Variants in TBC1D22A observed in about 807,000 individuals in gnomAD.
TBC1D22A encodes putative GTPase activator.
A neutral mutation model predicts 60.2 loss-of-function variants in TBC1D22A; 38 were observed. The observed-to-expected ratio is 0.63, with a 90% confidence interval of 0.49 to 0.83. TBC1D22A has a LOEUF of 0.83. TBC1D22A is among the 40% of genes least tolerant of loss of function. The pLI is 0.00. For synonymous variants in TBC1D22A, 302 were observed against 281.7 expected, an observed-to-expected ratio of 1.07 and a Z score of -0.72; for missense variants, 628 against 701.0, an observed-to-expected ratio of 0.90 and a Z score of 1.18.
chr22:46,791,599 T>C (rs1398136135), intron 1 of TBC1D22A, among the ~76,000 whole-genome samples: 1 of 151,068 alleles, frequency 6.6e-6, no homozygotes, highest in Admixed American at 6.6e-5. Context: ...GAAAAATAAA[T>C]GTGTGTCACA....
intron 1 of TBC1D22A, among the ~76,000 whole-genome samples, chr22:46,766,836 C>T (rs2083304227): frequency 6.6e-6 from 1 of 152,122 alleles, no homozygotes; most frequent in African/African-American, 2.4e-5. Flanking sequence ...GTGCCCGGCC[C>T]ACACCTCCTG....
chr22:47,060,616 G>T (rs1391924111), intron 11 of TBC1D22A, among the ~76,000 whole-genome samples: 1 of 152,150 alleles, frequency 6.6e-6, no homozygotes, highest in African/African-American at 2.4e-5. Flanking sequence ...GTTTTTAATA[G>T]AGACGGGGTT....
intron 1 of TBC1D22A, among the ~76,000 whole-genome samples, chr22:46,787,412 C>T (rs1037714358): frequency 1.3e-5 from 2 of 152,114 alleles, no homozygotes; most frequent in African/African-American, 2.4e-5. Flanking sequence ...GTGCATGTGG[C>T]GGCTCCTGCG....
rs566409191 is a variant in TBC1D22A, at chr22:46,897,076, C to T, written c.900+2230C>T. 1.7e-4 allele frequency among the ~76,000 whole-genome samples: 26 copies of T among 152,220 alleles called. No homozygotes were observed. In the South Asian group the frequency reaches 2.7e-3, roughly 16 times the overall value. On this transcript the variant is annotated intron_variant, in intron 7 of 12. Coordinates refer to ENST00000337137, the MANE Select transcript of TBC1D22A (RefSeq NM_014346.5). ...TTTGAATTTCCCCTATGAAGCGTCT[C>T]GTACATGTGTTACCGGTGGAGGGTG...
intron 12 of TBC1D22A, among the ~76,000 whole-genome samples, chr22:47,161,767 G>A (rs1321308713): frequency 2.6e-5 from 4 of 152,250 alleles, no homozygotes; most frequent in Non-Finnish European, 4.4e-5. Context: ...AGTGTGTGCC[G>A]TGGGCTTGTG....
chr22:47,053,352 C>A (rs922006644), intron 11 of TBC1D22A, among the ~76,000 whole-genome samples: 2 of 152,216 alleles, frequency 1.3e-5, no homozygotes, highest in Non-Finnish European at 2.9e-5. Context: ...GAGGCAGAGC[C>A]TGGGGGCTTT....
intron 4 of TBC1D22A, among the ~76,000 whole-genome samples, chr22:46,871,326 A>G (rs968815839): frequency 5.3e-5 from 8 of 152,246 alleles, no homozygotes; most frequent in South Asian, 2.1e-4. Flanking sequence ...AAATGTTAGT[A>G]AAGTGTAGAA....
intron 11 of TBC1D22A, among the ~76,000 whole-genome samples, chr22:47,042,744 G>A (rs935013802): frequency 2.0e-5 from 3 of 152,236 alleles, no homozygotes; most frequent in Admixed American, 1.3e-4. Flanking sequence ...GGGCCTTGAG[G>A]CACATCTCCC....
intron 1 of TBC1D22A, chr22:46,764,244 A>G (rs1486495891): frequency 1.3e-5 from 2 of 152,250 alleles, no homozygotes; most frequent in Non-Finnish European, 2.9e-5. Context: ...GCTTGATTCG[A>G]GAACAGTAAG....
chr22:46,959,097 G>C (rs553577345), intron 8 of TBC1D22A, among the ~76,000 whole-genome samples: 1 of 152,360 alleles, frequency 6.6e-6, no homozygotes, highest in African/African-American at 2.4e-5. Flanking sequence ...CAGCCAGACA[G>C]AGCGTTTCTT....
rs944911237 is a variant in TBC1D22A, at chr22:46,811,733, A to T, written c.637+14113A>T. Among the ~76,000 whole-genome samples the T allele has an allele frequency of 3.3e-5, 5 of 152,210 alleles. No homozygotes were observed. The South Asian group carries it at 8.3e-4, about 25-fold the overall frequency. ...GGTGTGTCAGAGAGAGCCAGCATCC[A>T]GTCTGTCGCCCTGCAGGACTGATAG... On this transcript the variant is annotated intron_variant, in intron 4 of 12. Coordinates refer to ENST00000337137, the MANE Select transcript of TBC1D22A (RefSeq NM_014346.5).
intron 8 of TBC1D22A, among the ~76,000 whole-genome samples, chr22:46,953,819 A>G (rs2073044010): frequency 6.6e-6 from 1 of 152,226 alleles, no homozygotes; most frequent in African/African-American, 2.4e-5. Flanking sequence ...ATTTACCTCT[A>G]TCAGGTGCTT....
chr22:46,895,553 G>C (rs771770754), intron 7 of TBC1D22A, among the ~76,000 whole-genome samples: 3 of 152,094 alleles, frequency 2.0e-5, no homozygotes, highest in Non-Finnish European at 2.9e-5. Context: ...TGTATTTTCT[G>C]TAGAGATAGG....
intron 5 of TBC1D22A, among the ~76,000 whole-genome samples, chr22:46,888,493 A>C (rs16995807): frequency 0.1 from 15,465 of 152,168 alleles, 1,214 homozygotes; most frequent in African/African-American, 0.22. Flanking sequence ...TGTGCCCGCC[A>C]TCTGGTTGGT....
intron 4 of TBC1D22A, among the ~76,000 whole-genome samples, chr22:46,811,874 A>G (rs2085391412): frequency 6.6e-6 from 1 of 152,206 alleles, no homozygotes; most frequent in Non-Finnish European, 1.5e-5. Context: ...GCCATGAGAA[A>G]GCCACTGGAG....
intron 8 of TBC1D22A, among the ~76,000 whole-genome samples, chr22:46,930,622 A>ATT (rs367772036): frequency 0.023 from 3,297 of 143,482 alleles, 69 homozygotes; most frequent in African/African-American, 0.053. Context: ...CGCCTGGCTA[A>ATT]TTTTTTTTTT....
intron 11 of TBC1D22A, among the ~76,000 whole-genome samples, chr22:47,078,162 T>C (rs1045562904): frequency 2.6e-5 from 4 of 152,086 alleles, no homozygotes; most frequent in Non-Finnish European, 5.9e-5. Flanking sequence ...TGATTTCAGG[T>C]TTTGTGGATG....
At chr22:47,071,799 A>C (rs578039145) in intron 11 of TBC1D22A, among the ~76,000 whole-genome samples, 1 of 152,284 alleles carries the variant, frequency 6.6e-6, no homozygotes, top group Non-Finnish European at 1.5e-5. Context: ...CTGAGTCCTG[A>C]GAGTCAATAT....
chr22:46,766,123 G>A (rs895912388), intron 1 of TBC1D22A, among the ~76,000 whole-genome samples: 4 of 151,804 alleles, frequency 2.6e-5, no homozygotes, highest in African/African-American at 4.8e-5. Context: ...TCAGCCTCCC[G>A]AGTAGCTGGG....
Sources: gnomAD v4.1 joint callset for allele counts (sites outside exome capture counted in the v4.1 genomes callset) on GRCh38, gnomAD v4.1.1 for gene constraint, MANE v1.5 for transcripts, NCBI Gene and HGNC (gene_info 2026-07-23, HGNC 2026-07-21) for gene names.